The following FAM171A1 variants were observed in gnomAD, a reference collection of about 807,000 sequenced individuals.
FAM171A1 encodes the protein family with sequence similarity 171 member A1, also known as protein FAM171A1.
Under a neutral mutation model 74.9 loss-of-function variants are expected in FAM171A1, and 23 were observed. That is an observed-to-expected ratio of 0.31 (90% CI 0.22 to 0.44). The LOEUF is 0.44. Among genes scored for constraint, FAM171A1 ranks in the 20% least tolerant of loss-of-function variants. The pLI is 1.00. For missense variants in FAM171A1, 1,162 were observed against 1,159.2 expected (o/e 1.00, Z -0.03); for synonymous variants, 527 against 505.7 (o/e 1.04, Z -0.57).
chr10:15,221,797 G>A (rs965312787), intron 5 of FAM171A1, among the ~76,000 whole-genome samples: 5 of 152,134 alleles, frequency 3.3e-5, no homozygotes, highest in South Asian at 2.1e-4. Context: ...AAGGCCTCTC[G>A]GTGGCTGAGA....
intron 3 of FAM171A1, among the ~76,000 whole-genome samples, chr10:15,262,513 G>A (rs1288497194): frequency 6.6e-6 from 1 of 152,178 alleles, no homozygotes; most frequent in Admixed American, 6.5e-5. Flanking sequence ...AAGCTGCGGG[G>A]AAGTTAGGAA....
rs57240947 is a variant in FAM171A1, at chr10:15,288,235, A to G, written c.98-4130T>C. 4.0e-3 allele frequency among the ~76,000 whole-genome samples: 608 copies of G among 152,298 alleles called. 4 individuals carry two copies. Among genetic ancestry groups the G allele is most frequent in the African/African-American group, 0.014 (586 of 41,574 alleles). ...GTGCTGCTATAAACATGCATATGCA[A>G]GCATCTTTTTCACATAATAACTTTT... On this transcript the variant is annotated intron_variant, in intron 1 of 7. Transcript: ENST00000378116.
At chr10:15,319,332 G>C (rs1349102286) in intron 1 of FAM171A1, among the ~76,000 whole-genome samples, 1 of 152,150 alleles carries the variant, frequency 6.6e-6, no homozygotes, top group African/African-American at 2.4e-5. Flanking sequence ...TAAGCTATGA[G>C]GACACAAAGG....
rs1312889348 is a variant in FAM171A1, at chr10:15,239,298, ATTTATT to A, written c.754+9335_754+9340del. Among the ~76,000 whole-genome samples, 12 of 152,076 alleles carry A rather than the reference ATTTATT, an allele frequency of 7.9e-5. No individual in the cohort carries two copies. In the South Asian group the frequency reaches 2.5e-3, roughly 32 times the overall value. On this transcript the variant is annotated intron_variant, in intron 5 of 7. Coordinates refer to ENST00000378116, the MANE Select transcript of FAM171A1 (RefSeq NM_001010924.2). ...CAATAAATATTCACTTTATTTATTT[ATTTATT>A]TTTATTTTTATTTTTTTTTGAGACA... is the stretch of plus-strand genomic sequence containing the variant.
chr10:15,213,554 C>A lies in FAM171A1; in HGVS notation c.2034G>T (p.Leu678Phe), dbSNP rs1833922655. 1 of 1,614,150 alleles carries A rather than the reference C, an allele frequency of 6.2e-7. No individual in the cohort carries two copies. Among genetic ancestry groups the A allele is most frequent in the Non-Finnish European group, 8.5e-7 (1 of 1,180,028 alleles). The change falls in exon 8 of 8, where the codon TTG becomes TTT. Residue 678 changes from leucine to phenylalanine, a missense_variant. Leu to Phe is a conservative substitution (Grantham distance 22, BLOSUM62 0). Coordinates refer to ENST00000378116, the MANE Select transcript of FAM171A1 (RefSeq NM_001010924.2). The surrounding 1 kb of genome is among the most constrained non-coding windows in gnomAD (Gnocchi z 6.8). Reference sequence around the variant, plus strand: ...GCTGCACCTCACTGTTCATCTGAGCCAAAGCCGCGTCGTTCAGGGAAGCTG... The same window carrying A: ...GCTGCACCTCACTGTTCATCTGAGCAAAAGCCGCGTCGTTCAGGGAAGCTG... ...SIPASLNDAALAQMNSEVQLL... is the reference protein window; with the variant it reads ...SIPASLNDAAFAQMNSEVQLL...
intron 1 of FAM171A1, among the ~76,000 whole-genome samples, chr10:15,290,493 T>C (rs371522493): frequency 1.3e-5 from 2 of 152,358 alleles, no homozygotes; most frequent in South Asian, 4.1e-4. Flanking sequence ...TCCAGACACA[T>C]GGTCTCTGTT....
chr10:15,331,859 G>GTGTATACATATATATATATATATA (rs60559617), intron 1 of FAM171A1, among the ~76,000 whole-genome samples: 1 of 44,954 alleles, frequency 2.2e-5, no homozygotes, highest in African/African-American at 8.7e-5. Flanking sequence ...ATATATGTGT[G>GTGTATACATATATATATATATATA]TATATATATG....
At chr10:15,239,466 C>T (rs1193971381) in intron 5 of FAM171A1, among the ~76,000 whole-genome samples, 3 of 151,902 alleles carry the variant, frequency 2.0e-5, no homozygotes, top group Non-Finnish European at 4.4e-5. Flanking sequence ...CCGGCTCCAG[C>T]TAATTTTTGT....
chr10:15,371,226 G>C lies in FAM171A1; in HGVS notation c.-174C>G, dbSNP rs1836143728. Among the ~76,000 whole-genome samples the C allele has an allele frequency of 7.1e-6, 1 of 140,590 alleles. No individual in the cohort carries two copies. The highest frequency in any genetic ancestry group is 2.3e-4 in the East Asian group (1 of 4,336). The allele number at this position is 140,590 out of a possible 152,430, so 92.2% of individuals were successfully genotyped here. A position where few individuals can be genotyped will look rare whatever the true frequency, so the allele number is the denominator to read the frequency against. Reference sequence around the variant, plus strand: ...GCCGCTCCCTCCCGCGCCCCGCGCCGGGTTTCCCCGAAGAGCCGCGGCGGC... The same window carrying C: ...GCCGCTCCCTCCCGCGCCCCGCGCCCGGTTTCCCCGAAGAGCCGCGGCGGC... On this transcript the variant is annotated 5_prime_UTR_variant, in exon 1 of 8. Coordinates refer to ENST00000378116, the MANE Select transcript of FAM171A1 (RefSeq NM_001010924.2).
At chr10:15,254,310 C>T (rs567997575) in intron 4 of FAM171A1, among the ~76,000 whole-genome samples, 2 of 152,214 alleles carry the variant, frequency 1.3e-5, no homozygotes, top group South Asian at 4.2e-4. Context: ...CTCTACCAGC[C>T]CCACCCACCC....
intron 1 of FAM171A1, among the ~76,000 whole-genome samples, chr10:15,304,868 C>G (rs996472718): frequency 2.0e-5 from 3 of 152,196 alleles, no homozygotes. Context: ...TCCCAAGTAG[C>G]TGGGATTCCA....
chr10:15,213,128 C>G lies in FAM171A1; in HGVS notation c.2460G>C (p.Ser820=), dbSNP rs144306329. 1.2e-6 allele frequency: 2 copies of G among 1,613,840 alleles called. No individual in the cohort carries two copies. Among genetic ancestry groups the G allele is most frequent in the Non-Finnish European group, 1.7e-6 (2 of 1,179,954 alleles). The change falls in exon 8 of 8, where the codon TCG becomes TCC. Residue 820 remains serine (S), a synonymous_variant. Coordinates refer to ENST00000378116, the MANE Select transcript of FAM171A1 (RefSeq NM_001010924.2). The surrounding 1 kb of genome is among the most constrained non-coding windows in gnomAD (Gnocchi z 6.8). The part of the protein sequence containing the change: ...DSALRCLLEG[S]SRRSGGQLPS... ...GCAGCTGGCCACCACTTCTCCGACT[C>G]GACCCCTCCAACAAGCATCGCAGGG...
chr10:15,370,192 G>C (rs373910074), intron 1 of FAM171A1, among the ~76,000 whole-genome samples: 1 of 151,472 alleles, frequency 6.6e-6, no homozygotes, highest in South Asian at 2.1e-4. Context: ...GGCCAAAGAC[G>C]AGACAAAAGG....
Position 15,213,138 on chromosome 10 carries a change from A to C in FAM171A1, c.2450T>G (p.Leu817Trp). The C allele has an allele frequency of 3.1e-6, 5 of 1,613,968 alleles. No individual in the cohort carries two copies. The highest frequency in any genetic ancestry group is 4.2e-6 in the Non-Finnish European group (5 of 1,179,982). ...TPEDSALRCL[L>W]EGSSRRSGGQ... ...ACCACTTCTCCGACTCGACCCCTCC[A>C]ACAAGCATCGCAGGGCACTGTCCTC... Residue 817 changes from leucine (L) to tryptophan (W), a missense_variant, in exon 8 of 8, where the codon TTG (leucine) becomes TGG (tryptophan). By Grantham distance (61) the Leu-to-Trp change is moderately conservative. Transcript: ENST00000378116. The surrounding 1 kb of genome is among the most constrained non-coding windows in gnomAD (Gnocchi z 6.8).
At chr10:15,337,724 G>T (rs1035203680) in intron 1 of FAM171A1, among the ~76,000 whole-genome samples, 1 of 152,174 alleles carries the variant, frequency 6.6e-6, no homozygotes, top group South Asian at 2.1e-4. Flanking sequence ...AGAGGCGAGC[G>T]GATCACTTGA....
chr10:15,214,617 C>T lies in FAM171A1; in HGVS notation c.987-16G>A, dbSNP rs1477791724. 3 of 1,542,948 alleles carry T rather than the reference C, an allele frequency of 1.9e-6. No individual in the cohort carries two copies. Among genetic ancestry groups the T allele is most frequent in the Non-Finnish European group, 2.6e-6 (3 of 1,148,132 alleles). Reference sequence around the variant, plus strand: ...GCACTTCCTCCTGCGCCCAAAGACACAATCCAAAGCCAAAGATTAGTGATT... The same window carrying T: ...GCACTTCCTCCTGCGCCCAAAGACATAATCCAAAGCCAAAGATTAGTGATT... On this transcript the variant is annotated splice_polypyrimidine_tract_variant and intron_variant, in intron 7 of 7. Transcript: ENST00000378116.
intron 1 of FAM171A1, among the ~76,000 whole-genome samples, chr10:15,351,069 T>G (rs1835871342): frequency 6.6e-6 from 1 of 152,180 alleles, no homozygotes; most frequent in Non-Finnish European, 1.5e-5. Flanking sequence ...TTCTCACACC[T>G]AGACTGCTTC....
intron 1 of FAM171A1, among the ~76,000 whole-genome samples, chr10:15,299,609 C>G (rs1286634920): frequency 6.6e-6 from 1 of 152,020 alleles, no homozygotes; most frequent in Non-Finnish European, 1.5e-5. Flanking sequence ...TCATTACTCT[C>G]TCTGGGAAGA....
intron 5 of FAM171A1, among the ~76,000 whole-genome samples, chr10:15,233,521 GGTGTGTGTGTGT>G (rs61637156): frequency 4.1e-5 from 6 of 145,282 alleles, no homozygotes; most frequent in Non-Finnish European, 6.0e-5. Flanking sequence ...GTGTATTCAG[GGTGTGTGTGTGT>G]GTGTGTGTGT....
Sources: gnomAD v4.1 joint callset for allele counts (sites outside exome capture counted in the v4.1 genomes callset) on GRCh38, gnomAD v4.1.1 for gene constraint, Gnocchi (gnomAD v3.1) non-coding constraint, MANE v1.5 for transcripts, NCBI Gene and HGNC (gene_info 2026-07-23, HGNC 2026-07-21) for gene names.